ADGRB3: variants seen among roughly 807,000 people sequenced by gnomAD.
ADGRB3 encodes adhesion G protein-coupled receptor B3.
Under a neutral mutation model 193.4 loss-of-function variants are expected in ADGRB3, and 37 were observed. The ratio of observed to expected loss-of-function variants is 0.19; its 90% CI spans 0.15 to 0.25. ADGRB3 has a LOEUF of 0.25. Among genes scored for constraint, ADGRB3 ranks in the 10% least tolerant of loss-of-function variants. ADGRB3 has a pLI of 1.00. For synonymous variants in ADGRB3, 690 were observed against 644.2 expected (o/e 1.07, Z -1.08); for missense variants, 1,637 against 1,852.9 (o/e 0.88, Z 2.14).
At chr6:69,253,157 C>T (rs988236853) in intron 20 of ADGRB3, among the ~76,000 whole-genome samples, 4 of 151,918 alleles carry the variant, frequency 2.6e-5, no homozygotes, top group Admixed American at 6.6e-5. Context: ...TTCCTTATGT[C>T]GATGCCATAA....
At chr6:69,015,189 G>A (rs566023805) in intron 12 of ADGRB3, among the ~76,000 whole-genome samples, 296 of 152,054 alleles carry the variant, frequency 1.9e-3, no homozygotes, top group Non-Finnish European at 3.6e-3. Flanking sequence ...TAGGCTGCTA[G>A]AGACTATTAA....
At chr6:69,086,241 A>G (rs1562153058) in intron 17 of ADGRB3, among the ~76,000 whole-genome samples, 1 of 152,158 alleles carries the variant, frequency 6.6e-6, no homozygotes, top group Non-Finnish European at 1.5e-5. Context: ...CTTCAATATA[A>G]TAATAAAGCA....
chr6:68,857,270 A>G (rs1765014813), intron 3 of ADGRB3, among the ~76,000 whole-genome samples: 1 of 152,206 alleles, frequency 6.6e-6, no homozygotes, highest in Non-Finnish European at 1.5e-5. Flanking sequence ...ACTGTCCTCC[A>G]GACCCCTGAA....
intron 2 of ADGRB3, 66 bp from the exon 3 acceptor site, chr6:68,638,595 A>G: frequency 1.4e-6 from 2 of 1,434,206 alleles, no homozygotes; most frequent in Non-Finnish European, 1.9e-6. Flanking sequence ...TAATATTGAA[A>G]GGAGTTTATT....
chr6:68,864,621 C>G (rs1005978234), intron 3 of ADGRB3, among the ~76,000 whole-genome samples: 1 of 152,080 alleles, frequency 6.6e-6, no homozygotes, highest in African/African-American at 2.4e-5. Flanking sequence ...TGTGTAACCC[C>G]CTGTTATTTG....
intron 20 of ADGRB3, among the ~76,000 whole-genome samples, chr6:69,304,263 C>G (rs564166629): frequency 3.5e-4 from 53 of 151,788 alleles, no homozygotes; most frequent in Admixed American, 3.5e-3. Flanking sequence ...ATAATTAAAT[C>G]ATCATGGAAA....
At chr6:69,347,526 C>A (rs1349454614) in intron 26 of ADGRB3, among the ~76,000 whole-genome samples, 10 of 152,054 alleles carry the variant, frequency 6.6e-5, no homozygotes, top group African/African-American at 2.4e-4. Context: ...GTAATCCTAG[C>A]ACTTTTTTTG....
At chr6:69,228,140 C>T (rs1193035906) in intron 17 of ADGRB3, among the ~76,000 whole-genome samples, 2 of 152,190 alleles carry the variant, frequency 1.3e-5, no homozygotes, top group African/African-American at 4.8e-5. Flanking sequence ...GCCTGTAATC[C>T]CAGCTACTCG....
Position 68,936,602 on chromosome 6 carries a change from T to C in ADGRB3, c.952T>C (p.Cys318Arg). ...GQGSQVRTRTCVSPYGTHCSG... is the reference protein window; with the variant it reads ...GQGSQVRTRTRVSPYGTHCSG... ...AGGGTCGCAGGTGCGAACCAGAACTTGTGTATCACCTTACGGGACACACTG... is the reference window on the plus strand; with the variant it reads ...AGGGTCGCAGGTGCGAACCAGAACTCGTGTATCACCTTACGGGACACACTG... Residue 318 changes from cysteine (C) to arginine (R), a missense_variant, in exon 5 of 32, where the codon TGT (cysteine) becomes CGT (arginine). Physicochemically the swap from Cys to Arg is radical, Grantham distance 180 (BLOSUM62 -3). This residue lies in a region of ADGRB3 where 365 missense variants were observed against 409.8 expected (regional missense o/e 0.89). Transcript: ENST00000370598. 6.2e-7 allele frequency: 1 copy of C among 1,614,028 alleles called. No homozygotes were observed. Among genetic ancestry groups the C allele is most frequent in the African/African-American group, 1.3e-5 (1 of 75,056 alleles).
At chr6:68,802,192 GTGTGTGTGTGTGTGTGTGTA>G (rs1415028406) in intron 3 of ADGRB3, among the ~76,000 whole-genome samples, 2 of 140,270 alleles carry the variant, frequency 1.4e-5, no homozygotes, top group African/African-American at 3.3e-5. Context: ...GCGTGTGTGT[GTGTGTGTGTGTGTGTGTGTA>G]TGTGTGTGTG....
At chr6:68,788,713 A>G (rs1414755864) in intron 3 of ADGRB3, among the ~76,000 whole-genome samples, 1 of 152,078 alleles carries the variant, frequency 6.6e-6, no homozygotes, top group Non-Finnish European at 1.5e-5. Context: ...TATCCTTGTT[A>G]ACTTTCTGTC....
intron 17 of ADGRB3, among the ~76,000 whole-genome samples, chr6:69,135,370 G>A (rs1223504914): frequency 1.3e-5 from 2 of 151,494 alleles, no homozygotes; most frequent in African/African-American, 4.8e-5. Flanking sequence ...ACCTGGTGAC[G>A]TTGGTTTCAA....
chr6:68,841,577 A>G (rs1022155590), intron 3 of ADGRB3, among the ~76,000 whole-genome samples: 6 of 152,152 alleles, frequency 3.9e-5, no homozygotes, highest in Non-Finnish European at 7.4e-5. Context: ...TGGAAACACA[A>G]CATACCAAAA....
intron 3 of ADGRB3, among the ~76,000 whole-genome samples, chr6:68,840,051 C>T (rs1347762168): frequency 1.3e-5 from 2 of 152,096 alleles, no homozygotes; most frequent in African/African-American, 4.8e-5. Context: ...TCCCAATGGT[C>T]AGAACGTGAG....
intron 31 of ADGRB3, among the ~76,000 whole-genome samples, chr6:69,387,695 T>C (rs1010459251): frequency 6.6e-6 from 1 of 152,090 alleles, no homozygotes; most frequent in East Asian, 1.9e-4. Context: ...TCACTGCACA[T>C]GGTTTAGGTA....
chr6:69,328,615 T>C (rs747305200), intron 22 of ADGRB3, among the ~76,000 whole-genome samples: 3 of 152,122 alleles, frequency 2.0e-5, no homozygotes, highest in African/African-American at 4.8e-5. Flanking sequence ...TTTAATTATT[T>C]TGGGTTTGAG....
intron 10 of ADGRB3, among the ~76,000 whole-genome samples, chr6:68,991,275 TTCAG>T (rs1399064216): frequency 6.6e-6 from 1 of 152,120 alleles, no homozygotes; most frequent in Non-Finnish European, 1.5e-5. Flanking sequence ...AACTCATTCA[TTCAG>T]TATGTTGAAT....
At chr6:69,315,731 A>G (rs1302070577) in intron 20 of ADGRB3, among the ~76,000 whole-genome samples, 1 of 151,508 alleles carries the variant, frequency 6.6e-6, no homozygotes, top group Non-Finnish European at 1.5e-5. Context: ...CCATGTGAAT[A>G]GCAAGATATA....
chr6:68,667,156 T>G (rs1768821555), intron 3 of ADGRB3, among the ~76,000 whole-genome samples: 1 of 151,874 alleles, frequency 6.6e-6, no homozygotes, highest in Non-Finnish European at 1.5e-5. Flanking sequence ...TTATAAAATA[T>G]AAAGATCAAA....
Sources: gnomAD v4.1 joint callset for allele counts (sites outside exome capture counted in the v4.1 genomes callset) on GRCh38, gnomAD v4.1.1 for gene constraint, gnomAD v4.1.1 regional missense constraint, MANE v1.5 for transcripts, NCBI Gene and HGNC (gene_info 2026-07-23, HGNC 2026-07-21) for gene names.